ETHE1: variants seen among roughly 807,000 people sequenced by gnomAD.
The protein encoded by ETHE1 is ETHE1 persulfide dioxygenase, also known as persulfide dioxygenase ETHE1, mitochondrial.
A neutral mutation model predicts 25.7 loss-of-function variants in ETHE1; 16 were observed. The observed-to-expected ratio is 0.62, with a 90% CI of 0.42 to 0.95. The LOEUF is 0.95. ETHE1 is among the 40% of genes least tolerant of loss of function. ETHE1 has a pLI of 0.00. For synonymous variants in ETHE1, 139 were observed against 135.9 expected, an observed-to-expected ratio of 1.02 and a Z score of -0.16; for missense variants, 300 against 333.6, an observed-to-expected ratio of 0.90 and a Z score of 0.79.
At chr19:43,518,921 G>C (rs576636839) in intron 3 of ETHE1, among the ~76,000 whole-genome samples, 2 of 151,468 alleles carry the variant, frequency 1.3e-5, no homozygotes, top group East Asian at 3.9e-4. Flanking sequence ...AAAACATTTG[G>C]GGGAGAGGGG....
chr19:43,524,390 A>T (rs1002876132), intron 3 of ETHE1, among the ~76,000 whole-genome samples: 13 of 92,630 alleles, frequency 1.4e-4, no homozygotes, highest in African/African-American at 4.5e-4. Context: ...GTCTCAAATT[A>T]AAAAAAAAAA....
intron 3 of ETHE1, among the ~76,000 whole-genome samples, chr19:43,516,194 T>C (rs1599999064): frequency 6.6e-6 from 1 of 152,188 alleles, no homozygotes; most frequent in African/African-American, 2.4e-5. Flanking sequence ...ATAAAGATCA[T>C]CTACAAATCA....
chr19:43,518,751 CAAAAAAAAA>C lies in ETHE1; in HGVS notation c.376-7194_376-7186del, dbSNP rs34214132. Reference sequence around the variant, plus strand: ...GGGCGACAGAGCGAGACTCTTGTCTCAAAAAAAAAAAAAAAAAAAAAAAGTTACTGCATA... The same window carrying C: ...GGGCGACAGAGCGAGACTCTTGTCTCAAAAAAAAAAAAAAGTTACTGCATA... On this transcript the variant is annotated intron_variant, in intron 3 of 6. Transcript: ENST00000292147. Among the ~76,000 whole-genome samples the C allele has an allele frequency of 7.7e-3, 595 of 77,626 alleles. 8 individuals carry two copies. Among genetic ancestry groups the C allele is most frequent in the African/African-American group, 0.027 (543 of 20,048 alleles). 50.9% of individuals were successfully genotyped at this position (77,626 alleles called of 152,430 possible).
intron 3 of ETHE1, among the ~76,000 whole-genome samples, chr19:43,518,928 G>A (rs1189735913): frequency 1.3e-5 from 2 of 151,224 alleles, no homozygotes; most frequent in East Asian, 1.9e-4. Context: ...TTGGGGGAGA[G>A]GGGCGCGGTT....
chr19:43,520,018 C>T lies in ETHE1; in HGVS notation c.375+6183G>A, dbSNP rs528427171. Among the ~76,000 whole-genome samples, 12 of 149,580 alleles carry T rather than the reference C, an allele frequency of 8.0e-5. No individual in the cohort carries two copies. In the South Asian group the frequency reaches 2.5e-3, roughly 32 times the overall value. The stretch of plus-strand genomic sequence containing the variant: ...CACCTTAGCCAGGGTTCAATACCAG[C>T]CTGGACAACATAGCGAGACCCCCAC... On this transcript the variant is annotated intron_variant, in intron 3 of 6. Transcript: ENST00000292147.
At chr19:43,514,658 A>G (rs1481308780) in intron 3 of ETHE1, among the ~76,000 whole-genome samples, 1 of 151,614 alleles carries the variant, frequency 6.6e-6, no homozygotes, top group Non-Finnish European at 1.5e-5. Context: ...GCTAATTTTT[A>G]TATTTTTAGT....
At chr19:43,511,292 G>T in intron 4 of ETHE1, 145 bp downstream of exon 4, 1 of 1,295,512 alleles carries the variant, frequency 7.7e-7, no homozygotes, top group South Asian at 1.3e-5. Context: ...GGGGACCACT[G>T]TTCTAGCAGG....
In ETHE1 at chr19:43,526,553, T is replaced by C; in HGVS notation, c.188A>G (p.Gln63Arg). 1.9e-6 allele frequency: 3 copies of C among 1,613,906 alleles called. No homozygotes were observed. The South Asian group carries it at 3.3e-5, about 18-fold the overall frequency. ...PVLETAPRDAQLIKELGLRLL... is the reference protein window; with the variant it reads ...PVLETAPRDARLIKELGLRLL... Reference sequence around the variant, plus strand: ...CCGCAGCCCCAGCTCCTTGATCAGCTGGGCATCCCGAGGCGCTGTTTCCAG... The same window carrying C: ...CCGCAGCCCCAGCTCCTTGATCAGCCGGGCATCCCGAGGCGCTGTTTCCAG... Residue 63 changes from glutamine to arginine, a missense_variant, in exon 2 of 7, where the codon CAG becomes CGG. Gln to Arg is a conservative substitution (Grantham distance 43). Transcript: ENST00000292147.
rs1971776282 is a variant in ETHE1 at position 43,506,748 on chromosome 19, C to T, written c.*102G>A. ...GTTAAAAAAAGTTTTATTTAGGGAGCTCCAGGGAATGCGGTGGGAAAGGAG... is the reference window on the plus strand; with the variant it reads ...GTTAAAAAAAGTTTTATTTAGGGAGTTCCAGGGAATGCGGTGGGAAAGGAG... On this transcript the variant is annotated 3_prime_UTR_variant, in exon 7 of 7. Coordinates refer to ENST00000292147, the MANE Select transcript of ETHE1 (RefSeq NM_014297.5). 6 of 1,138,514 alleles carry T rather than the reference C, an allele frequency of 5.3e-6. No individual in the cohort carries two copies. Among genetic ancestry groups the T allele is most frequent in the Non-Finnish European group, 8.0e-6 (6 of 752,214 alleles). 70.5% of individuals were successfully genotyped at this position (1,138,514 alleles called of 1,614,324 possible).
chr19:43,509,546 A>T (rs2145980719), intron 4 of ETHE1, among the ~76,000 whole-genome samples: 1 of 150,810 alleles, frequency 6.6e-6, no homozygotes, highest in Middle Eastern at 3.6e-3. Context: ...CTGTAATCCC[A>T]GCACTTTGGG....
chr19:43,511,916 A>T (rs770701447), intron 3 of ETHE1, among the ~76,000 whole-genome samples: 3 of 152,032 alleles, frequency 2.0e-5, no homozygotes, highest in African/African-American at 4.8e-5. Context: ...GGCAGGAGGT[A>T]ATTGAATAAT....
At chr19:43,520,043 C>A (rs76924841) in intron 3 of ETHE1, among the ~76,000 whole-genome samples, 16 of 138,918 alleles carry the variant, frequency 1.2e-4, no homozygotes, top group Non-Finnish European at 2.2e-4. Flanking sequence ...GAGACCCCCA[C>A]CCAAAAAAAA....
At chr19:43,527,067 C>G in intron 1 of ETHE1, 30 bp downstream of exon 1, 1 of 1,546,874 alleles carries the variant, frequency 6.5e-7, no homozygotes, top group Non-Finnish European at 8.7e-7. Flanking sequence ...TAGTGCCCAG[C>G]AGTCCCCTCC....
intron 3 of ETHE1, among the ~76,000 whole-genome samples, chr19:43,524,646 A>T (rs1470928693): frequency 1.3e-5 from 2 of 151,876 alleles, no homozygotes; most frequent in East Asian, 3.9e-4. Flanking sequence ...TCAACAAAAA[A>T]TTAAAAAATT....
At chr19:43,506,946 A>G (rs371701045) in intron 6 of ETHE1, 44 bp from the exon 7 acceptor site, 122 of 1,602,496 alleles carry the variant, frequency 7.6e-5, no homozygotes, top group Non-Finnish European at 2.0e-5. Flanking sequence ...GCCTAGGTAG[A>G]GTTCCAGGCC....
chr19:43,508,348 T>C (rs935176525), intron 5 of ETHE1, among the ~76,000 whole-genome samples: 1 of 145,970 alleles, frequency 6.9e-6, no homozygotes, highest in Non-Finnish European at 1.5e-5. Context: ...CTTTATCTCT[T>C]TTTTTTTTTT....
intron 3 of ETHE1, 37 bp downstream of exon 3, chr19:43,526,164 G>A: frequency 1.9e-6 from 3 of 1,613,930 alleles, no homozygotes; most frequent in Admixed American, 1.7e-5. Flanking sequence ...AAGAAGTCCA[G>A]GCCACCACCC....
chr19:43,527,192 G>A lies in ETHE1; in HGVS notation c.-15C>T. On this transcript the variant is annotated 5_prime_UTR_variant, in exon 1 of 7. Transcript: ENST00000292147. ...GCCTCCGCCATCGCGCCCACTGCGG[G>A]GTCAGGAATGAGCGGAGGCCGAGCG... 6.5e-7 allele frequency: 1 copy of A among 1,535,736 alleles called. No homozygotes were observed. Among genetic ancestry groups the A allele is most frequent in the Non-Finnish European group, 8.7e-7 (1 of 1,146,012 alleles).
chr19:43,520,303 A>G (rs1427214038), intron 3 of ETHE1, among the ~76,000 whole-genome samples: 1 of 152,180 alleles, frequency 6.6e-6, no homozygotes, highest in Non-Finnish European at 1.5e-5. Context: ...CAGAGGTTGC[A>G]GTAAACCAAG....
Sources: gnomAD v4.1 joint callset for allele counts (sites outside exome capture counted in the v4.1 genomes callset) on GRCh38, gnomAD v4.1.1 for gene constraint, MANE v1.5 for transcripts, NCBI Gene and HGNC (gene_info 2026-07-23, HGNC 2026-07-21) for gene names.